DYM: variants seen among roughly 807,000 people sequenced by gnomAD.
DYM encodes the protein dymeclin.
A neutral mutation model predicts 93.1 loss-of-function variants in DYM; 78 were observed. That is an observed-to-expected ratio of 0.84 (90% CI 0.70 to 1.01). DYM has a LOEUF of 1.01. Ranked by LOEUF, DYM falls within the 50% of genes least tolerant of loss-of-function variation. The pLI is 0.00. For missense variants in DYM, 789 were observed against 845.0 expected (o/e 0.93, Z 0.82); for synonymous variants, 321 against 319.7 (o/e 1.00, Z -0.04).
At chr18:49,457,261 T>G (rs933948029) in intron 1 of DYM, among the ~76,000 whole-genome samples, 2 of 152,084 alleles carry the variant, frequency 1.3e-5, no homozygotes, top group Admixed American at 6.5e-5. Context: ...GGACAGAGAG[T>G]CCCTGCCTTC....
At chr18:49,380,998 C>T (rs972750907) in intron 3 of DYM, among the ~76,000 whole-genome samples, 3 of 148,560 alleles carry the variant, frequency 2.0e-5, no homozygotes, top group Admixed American at 2.0e-4. Flanking sequence ...ATTTGAACTT[C>T]TTTTTTTTTT....
intron 17 of DYM, among the ~76,000 whole-genome samples, chr18:49,090,673 G>T (rs556030495): frequency 6.6e-6 from 1 of 152,212 alleles, no homozygotes; most frequent in South Asian, 2.1e-4. Context: ...GACTCTCATA[G>T]AGCCTGACAG....
At chr18:49,122,179 G>A (rs572471920) in intron 15 of DYM, among the ~76,000 whole-genome samples, 11 of 152,108 alleles carry the variant, frequency 7.2e-5, no homozygotes, top group Admixed American at 3.3e-4. Context: ...TGTTATATAT[G>A]GGTACTTTTA....
intron 14 of DYM, among the ~76,000 whole-genome samples, chr18:49,165,127 G>C (rs531965271): frequency 4.3e-4 from 65 of 152,226 alleles, no homozygotes; most frequent in African/African-American, 1.5e-3. Context: ...GAATGGCCAT[G>C]TTAATTTCCG....
At chr18:49,411,908 A>G (rs541014928) in intron 2 of DYM, 2 of 152,316 alleles carry the variant, frequency 1.3e-5, no homozygotes, top group South Asian at 4.1e-4. Flanking sequence ...CCCTTACCTT[A>G]GCAAAGAGAA....
intron 8 of DYM, among the ~76,000 whole-genome samples, chr18:49,309,125 C>T (rs781310329): frequency 6.6e-6 from 1 of 152,076 alleles, no homozygotes; most frequent in African/African-American, 2.4e-5. Context: ...GATTCAAATC[C>T]AGTATAATTT....
intron 2 of DYM, among the ~76,000 whole-genome samples, chr18:49,429,696 C>T (rs1013857935): frequency 3.9e-5 from 6 of 152,164 alleles, no homozygotes; most frequent in African/African-American, 7.2e-5. Context: ...CCCAGCAATT[C>T]TACTTCAAGG....
At chr18:49,427,045 AT>A (rs2074363865) in intron 2 of DYM, among the ~76,000 whole-genome samples, 1 of 152,212 alleles carries the variant, frequency 6.6e-6, no homozygotes, top group Non-Finnish European at 1.5e-5. Flanking sequence ...AAATATTACC[AT>A]TTTGTAACCT....
At position 49,231,363 on chromosome 18, in the gene DYM, C is replaced by G. The variant is rs545143151; in HGVS notation, c.1461-21648G>C. 2.0e-5 allele frequency among the ~76,000 whole-genome samples: 3 copies of G among 152,222 alleles called. No individual in the cohort carries two copies. In the South Asian group the frequency reaches 6.2e-4, roughly 32 times the overall value. On this transcript the variant is annotated intron_variant, in intron 13 of 17. Coordinates refer to ENST00000675505, the MANE Select transcript of DYM (RefSeq NM_001353214.3). ...GACACCAGCAAAGAAAGCACGAGAT[C>G]TAGAGTACGAGAACAAAACACAGAA... is the stretch of plus-strand genomic sequence containing the variant.
chr18:49,358,241 T>C (rs1205888695), intron 6 of DYM, among the ~76,000 whole-genome samples: 4 of 152,116 alleles, frequency 2.6e-5, no homozygotes, highest in East Asian at 1.9e-4. Flanking sequence ...AGCTACTCTA[T>C]AGGGTAGTCA....
chr18:49,458,689 AT>A (rs1392555989), intron 1 of DYM, among the ~76,000 whole-genome samples: 1 of 152,010 alleles, frequency 6.6e-6, no homozygotes, highest in Non-Finnish European at 1.5e-5. Flanking sequence ...AATACAAAAA[AT>A]TAGCCAGGCA....
chr18:49,303,740 T>C (rs982140229), intron 8 of DYM, among the ~76,000 whole-genome samples: 1 of 152,236 alleles, frequency 6.6e-6, no homozygotes, highest in Non-Finnish European at 1.5e-5. Flanking sequence ...CCTATATTCA[T>C]ACAAATGAAT....
chr18:49,222,432 G>A (rs1404037221), intron 13 of DYM, among the ~76,000 whole-genome samples: 1 of 152,060 alleles, frequency 6.6e-6, no homozygotes, highest in Non-Finnish European at 1.5e-5. Context: ...TAATACAAAT[G>A]AGTTTGAGAC....
chr18:49,421,332 TGTTCTGCAATATTTACG>T (rs1475108931), intron 2 of DYM, among the ~76,000 whole-genome samples: 2 of 152,106 alleles, frequency 1.3e-5, no homozygotes, highest in African/African-American at 4.8e-5. Flanking sequence ...CAACATTTGC[TGTTCTGCAATATTTACG>T]GTTCTGCAGC....
chr18:49,046,818 C>G (rs1375684172), intron 17 of DYM, among the ~76,000 whole-genome samples: 2 of 152,116 alleles, frequency 1.3e-5, no homozygotes, highest in Admixed American at 6.5e-5. Flanking sequence ...TGCTTGAGCC[C>G]AGGAGTTCGA....
intron 15 of DYM, among the ~76,000 whole-genome samples, chr18:49,134,292 G>A (rs144816210): frequency 1.1e-4 from 17 of 152,308 alleles, no homozygotes; most frequent in African/African-American, 3.4e-4. Context: ...TATTTCTAGC[G>A]AAGCAGCAGG....
At chr18:49,097,305 G>C (rs2079632171) in intron 17 of DYM, 97 bp downstream of exon 17, 1 of 1,104,342 alleles carries the variant, frequency 9.1e-7, no homozygotes. Context: ...CTATGTACTG[G>C]ATAAGCAGCA....
At chr18:49,119,584 A>T (rs2082199158) in intron 15 of DYM, among the ~76,000 whole-genome samples, 1 of 152,208 alleles carries the variant, frequency 6.6e-6, no homozygotes, top group Non-Finnish European at 1.5e-5. Context: ...TTGACAGTTG[A>T]AGCAAAAATT....
chr18:49,395,641 A>G (rs998456108), intron 2 of DYM, among the ~76,000 whole-genome samples: 17 of 152,112 alleles, frequency 1.1e-4, no homozygotes, highest in Non-Finnish European at 1.5e-5. Flanking sequence ...AAAAAAAAAA[A>G]GAAGACATAC....
Sources: gnomAD v4.1 joint callset for allele counts (sites outside exome capture counted in the v4.1 genomes callset) on GRCh38, gnomAD v4.1.1 for gene constraint, MANE v1.5 for transcripts, NCBI Gene and HGNC (gene_info 2026-07-23, HGNC 2026-07-21) for gene names.